The following TSGA10IP variants were observed in gnomAD, a reference collection of about 807,000 sequenced individuals.
TSGA10IP encodes testis specific 10 interacting protein, also known as testis-specific protein 10-interacting protein.
A neutral mutation model predicts 63.2 loss-of-function variants in TSGA10IP; 64 were observed. The observed-to-expected ratio is 1.01, with a 90% confidence interval of 0.83 to 1.25. The LOEUF (loss-of-function observed/expected upper bound fraction) is 1.25, where lower values mean the gene tolerates loss of function less well. Ranked by LOEUF, TSGA10IP falls within the 50% of genes most tolerant of loss-of-function variation. TSGA10IP has a pLI of 0.00. For missense variants in TSGA10IP, 681 were observed against 710.1 expected (o/e 0.96, Z 0.47); for synonymous variants, 316 against 298.3 (o/e 1.06, Z -0.61).
In TSGA10IP at chr11:65,959,349, C is replaced by T. The variant is rs576851692; in HGVS notation, c.1547+35C>T. On this transcript the variant is annotated intron_variant, in intron 7 of 7. Coordinates refer to ENST00000532620, the Ensembl canonical transcript of TSGA10IP. ...CCCGTCAGGTCAAGAACTGACTCTGCCATGCTGCTGCGGGAAGGGGCGCCC... is the reference window on the plus strand; with the variant it reads ...CCCGTCAGGTCAAGAACTGACTCTGTCATGCTGCTGCGGGAAGGGGCGCCC... The T allele has an allele frequency of 1.9e-6, 3 of 1,606,246 alleles. No individual in the cohort carries two copies. In the African/African-American group the frequency reaches 4.0e-5, roughly 21 times the overall value.
exon 3 of TSGA10IP, chr11:65,947,288 C>G (rs765883701): frequency 6.2e-7 from 1 of 1,612,488 alleles, no homozygotes; most frequent in South Asian, 1.1e-5. Context: ...GGCCAACCTC[C>G]CAGAGGCCCA....
At chr11:65,951,822 A>T (rs576725786) in intron 4 of TSGA10IP, among the ~76,000 whole-genome samples, 33 of 149,608 alleles carry the variant, frequency 2.2e-4, no homozygotes, top group African/African-American at 7.1e-4. Context: ...TTGAGATTAC[A>T]GGTGTGAGTC....
intron 5 of TSGA10IP, among the ~76,000 whole-genome samples, chr11:65,955,973 A>G (rs1855016787): frequency 6.6e-6 from 1 of 152,042 alleles, no homozygotes; most frequent in Admixed American, 6.6e-5. Flanking sequence ...GACCAAAACC[A>G]GTGCCATTGA....
chr11:65,949,333 G>A (rs950061364), intron 4 of TSGA10IP, among the ~76,000 whole-genome samples: 2 of 152,258 alleles, frequency 1.3e-5, no homozygotes, highest in Non-Finnish European at 1.5e-5. Context: ...GACACTTAGA[G>A]GCTGGTTCAA....
intron 4 of TSGA10IP, among the ~76,000 whole-genome samples, chr11:65,948,836 A>T (rs540613048): frequency 6.6e-6 from 1 of 152,012 alleles, no homozygotes; most frequent in African/African-American, 2.4e-5. Flanking sequence ...TTATCCAAGT[A>T]TGGTGGTGTG....
At chr11:65,951,518 T>TTTATTA (rs4013981) in intron 4 of TSGA10IP, among the ~76,000 whole-genome samples, 37,310 of 138,824 alleles carry the variant, frequency 0.27, 5,312 homozygotes, top group South Asian at 0.37. Flanking sequence ...ATTTGCTTAT[T>TTTATTA]TTATTATTAT....
At chr11:65,958,105 C>T (rs577028735) in intron 5 of TSGA10IP, among the ~76,000 whole-genome samples, 19 of 152,258 alleles carry the variant, frequency 1.2e-4, no homozygotes, top group Admixed American at 5.9e-4. Context: ...AGGTGCATAC[C>T]ACCATGTCTG....
chr11:65,947,030 G>A lies in TSGA10IP; in HGVS notation c.284+14G>A. ...AGAGTCTGAAGAGTAAGCAGCAGTG[G>A]GATGGGTCAGGAGGCTGTTGGGGGT... On this transcript the variant is annotated intron_variant, in intron 2 of 7. Transcript: ENST00000532620. 4 of 1,613,870 alleles carry A rather than the reference G, an allele frequency of 2.5e-6. No homozygotes were observed. The highest frequency in any genetic ancestry group is 3.4e-6 in the Non-Finnish European group (4 of 1,179,838).
At chr11:65,959,055 T>C (rs1280174594) in intron 6 of TSGA10IP, 73 bp downstream of exon 6, 1 of 1,578,032 alleles carries the variant, frequency 6.3e-7, no homozygotes, top group African/African-American at 1.3e-5. Flanking sequence ...GGAAGCAGGA[T>C]GCGAGTAGGT....
intron 5 of TSGA10IP, among the ~76,000 whole-genome samples, chr11:65,958,642 T>A (rs1855064884): frequency 6.6e-6 from 1 of 152,122 alleles, no homozygotes; most frequent in Non-Finnish European, 1.5e-5. Context: ...GCCCCTCACT[T>A]CCCAGCTGCA....
chr11:65,958,581 C>A (rs537307047), intron 5 of TSGA10IP, among the ~76,000 whole-genome samples: 2 of 152,340 alleles, frequency 1.3e-5, no homozygotes, highest in South Asian at 4.1e-4. Context: ...TGGCCCCTTT[C>A]CCATGGGGCT....
intron 4 of TSGA10IP, among the ~76,000 whole-genome samples, chr11:65,953,266 G>A (rs1307804804): frequency 6.6e-6 from 1 of 151,954 alleles, no homozygotes; most frequent in African/African-American, 2.4e-5. Flanking sequence ...CCTGACCTCA[G>A]GTGATCCGCC....
At chr11:65,947,554 C>T (rs1346663579) in exon 3 of TSGA10IP, 1 of 1,613,842 alleles carries the variant, frequency 6.2e-7, no homozygotes, top group East Asian at 2.2e-5. Context: ...GGGGGTCGAT[C>T]TCAGAGGAGG....
chr11:65,956,134 TC>T (rs1309186442), intron 5 of TSGA10IP, among the ~76,000 whole-genome samples: 1 of 115,550 alleles, frequency 8.7e-6, no homozygotes, highest in Non-Finnish European at 1.9e-5. Context: ...TGAGGCTCAG[TC>T]TTTTTTTTTT....
At chr11:65,952,967 A>G (rs1345064328) in intron 4 of TSGA10IP, among the ~76,000 whole-genome samples, 4 of 151,922 alleles carry the variant, frequency 2.6e-5, no homozygotes, top group Non-Finnish European at 4.4e-5. Context: ...TGCTTTGGAT[A>G]ATATGGACAT....
intron 5 of TSGA10IP, among the ~76,000 whole-genome samples, chr11:65,957,314 C>A (rs942284724): frequency 2.0e-5 from 3 of 152,164 alleles, no homozygotes; most frequent in African/African-American, 7.2e-5. Flanking sequence ...CCACTCCCAG[C>A]TAACTTTTGT....
exon 3 of TSGA10IP, chr11:65,947,770 G>T (rs760270673): frequency 4.4e-6 from 7 of 1,585,920 alleles, no homozygotes; most frequent in Non-Finnish European, 6.0e-6. Flanking sequence ...CCAAGGAGCT[G>T]CAGGGGCCAT....
At chr11:65,953,030 C>CTTTTTTTTT (rs543769953) in intron 4 of TSGA10IP, among the ~76,000 whole-genome samples, 1 of 133,658 alleles carries the variant, frequency 7.5e-6, no homozygotes. Flanking sequence ...TTCTTTCTTT[C>CTTTTTTTTT]TTTTTTTTTT....
rs1855079834 is a variant in TSGA10IP at position 65,959,423 on chromosome 11, G to A, written c.1547+109G>A. On this transcript the variant is annotated intron_variant, in intron 7 of 7. Transcript: ENST00000532620. ...GGGCCTCCCCCAGGACAGGCAGAGA[G>A]CCCAGAGGAAGGCAAGGCCAGGGTT... 5 of 1,476,588 alleles carry A rather than the reference G, an allele frequency of 3.4e-6. No homozygotes were observed. The Admixed American group carries it at 9.6e-5, about 28-fold the overall frequency. 91.5% of individuals were successfully genotyped at this position (1,476,588 alleles called of 1,614,324 possible). A position where few individuals can be genotyped will look rare whatever the true frequency, so the allele number is the denominator to read the frequency against.
Sources: gnomAD v4.1 joint callset for allele counts (sites outside exome capture counted in the v4.1 genomes callset) on GRCh38, gnomAD v4.1.1 for gene constraint, MANE v1.5 for transcripts, NCBI Gene and HGNC (gene_info 2026-07-23, HGNC 2026-07-21) for gene names.